ABLIM2: variants seen among roughly 807,000 people sequenced by gnomAD.
ABLIM2 encodes actin-binding LIM protein 2.
A neutral mutation model predicts 97.7 loss-of-function variants in ABLIM2; 53 were observed. The ratio of observed to expected loss-of-function variants is 0.54; its 90% confidence interval spans 0.44 to 0.68. The LOEUF (loss-of-function observed/expected upper bound fraction) is 0.68, where lower values mean the gene tolerates loss of function less well. Ranked by LOEUF, ABLIM2 falls within the 30% of genes least tolerant of loss-of-function variation. The probability of loss-of-function intolerance (pLI) is 0.00; values close to 1 mark genes in which losing one functional copy is unlikely to be tolerated. For synonymous variants in ABLIM2, 361 were observed against 345.8 expected (o/e 1.04, Z -0.49); for missense variants, 835 against 867.2 (o/e 0.96, Z 0.47).
intron 2 of ABLIM2, 125 bp downstream of exon 2, chr4:8,106,369 G>GT: frequency 7.6e-7 from 1 of 1,308,458 alleles, no homozygotes; most frequent in Middle Eastern, 1.9e-4. Flanking sequence ...TGAAGATTCT[G>GT]TATCTGGAGT....
intron 1 of ABLIM2, among the ~76,000 whole-genome samples, chr4:8,135,137 G>A (rs1213517083): frequency 2.0e-5 from 3 of 152,152 alleles, no homozygotes; most frequent in African/African-American, 7.2e-5. Context: ...TGGCACAAAA[G>A]AAAGATAGAA....
intron 12 of ABLIM2, among the ~76,000 whole-genome samples, chr4:8,027,006 A>AGT (rs2151109005): frequency 6.6e-6 from 1 of 151,578 alleles, no homozygotes; most frequent in Admixed American, 6.6e-5. Flanking sequence ...CTTTTACCTG[A>AGT]GTGTGTGTGG....
chr4:8,091,125 T>A (rs1827108966), intron 3 of ABLIM2, among the ~76,000 whole-genome samples: 1 of 150,218 alleles, frequency 6.7e-6, no homozygotes, highest in Non-Finnish European at 1.5e-5. Flanking sequence ...CTTCACATCC[T>A]CACCAGCACT....
chr4:8,135,014 G>A (rs887848808), intron 1 of ABLIM2, among the ~76,000 whole-genome samples: 8 of 152,220 alleles, frequency 5.3e-5, no homozygotes, highest in Admixed American at 2.6e-4. Context: ...CAGCGTCACC[G>A]AGGCAGGCCC....
chr4:7,983,651 C>G (rs570252438), intron 18 of ABLIM2, 97 bp from the exon 19 acceptor site: 15 of 1,448,932 alleles, frequency 1.0e-5, no homozygotes, highest in Non-Finnish European at 1.4e-5. Context: ...ACCCCTGTCT[C>G]CCCCCTGCAG....
At chr4:8,117,474 G>GCACTAAGACTCCACC (rs1843286250) in intron 1 of ABLIM2, among the ~76,000 whole-genome samples, 1 of 147,720 alleles carries the variant, frequency 6.8e-6, no homozygotes, top group African/African-American at 2.5e-5. Context: ...CAGGCTCCAC[G>GCACTAAGACTCCACC]CACTAAGACT....
In ABLIM2 at chr4:8,069,495, G is replaced by T. The variant is rs1810323549; in HGVS notation, c.675+8133C>A. ...GCCAGCGTGGAAGGGTAGGACCAGG[G>T]GCTCTGATGCGCTGCCGGCATGAGG... On this transcript the variant is annotated intron_variant, in intron 6 of 20. Transcript: ENST00000447017. The surrounding 1 kb of genome is among the most constrained non-coding windows in gnomAD (Gnocchi z 4.2). 6.6e-6 allele frequency among the ~76,000 whole-genome samples: 1 copy of T among 152,224 alleles called. No homozygotes were observed. The highest frequency in any genetic ancestry group is 2.4e-5 in the African/African-American group (1 of 41,466).
chr4:8,144,743 G>A (rs543813661), intron 1 of ABLIM2, among the ~76,000 whole-genome samples: 4 of 152,328 alleles, frequency 2.6e-5, no homozygotes, highest in South Asian at 4.1e-4. Context: ...GAGGTGACGC[G>A]GCCCACACTC....
intron 9 of ABLIM2, among the ~76,000 whole-genome samples, chr4:8,039,885 T>TG (rs1579457924): frequency 7.0e-6 from 1 of 143,320 alleles, no homozygotes; most frequent in Non-Finnish European, 1.5e-5. Flanking sequence ...TTTTTTTTTT[T>TG]TTTTTTTTTT....
intron 2 of ABLIM2, among the ~76,000 whole-genome samples, chr4:8,103,674 C>G (rs1835781496): frequency 6.6e-6 from 1 of 152,236 alleles, no homozygotes; most frequent in Admixed American, 6.5e-5. Flanking sequence ...CATCCCATCG[C>G]CTGTCGCTGG....
rs186801588 is a variant in ABLIM2 at position 8,151,996 on chromosome 4, T to C, written c.10+6684A>G. ...CAATGACGCTAGGCAGGAACCCCCA[T>C]AGGAGGCGGGTTTGGGTCTTGTCCT... is the stretch of plus-strand genomic sequence containing the variant. On this transcript the variant is annotated intron_variant, in intron 1 of 20. Transcript: ENST00000447017. Among the ~76,000 whole-genome samples, 73 of 152,200 alleles carry C rather than the reference T, an allele frequency of 4.8e-4. 1 individual carries two copies. The highest frequency in any genetic ancestry group is 1.5e-4 in the Non-Finnish European group (10 of 67,994).
At chr4:8,011,219 T>A (rs1764732927) in intron 14 of ABLIM2, among the ~76,000 whole-genome samples, 1 of 152,212 alleles carries the variant, frequency 6.6e-6, no homozygotes, top group Non-Finnish European at 1.5e-5. Flanking sequence ...TGAAAAGCCA[T>A]CTCAGGTCTC....
chr4:8,147,042 G>A lies in ABLIM2; in HGVS notation c.10+11638C>T, dbSNP rs963408066. On this transcript the variant is annotated intron_variant, in intron 1 of 20. Coordinates refer to ENST00000447017, the MANE Select transcript of ABLIM2 (RefSeq NM_001130083.2). The surrounding 1 kb of genome is among the most constrained non-coding windows in gnomAD (Gnocchi z 5.3). Reference sequence around the variant, plus strand: ...AGAGCATGTAACCCCTGCAATCAACGGCTTTTTATTTCTGAAATTCATGTC... The same window carrying A: ...AGAGCATGTAACCCCTGCAATCAACAGCTTTTTATTTCTGAAATTCATGTC... Among the ~76,000 whole-genome samples the A allele has an allele frequency of 2.6e-4, 40 of 152,088 alleles. No homozygotes were observed. Among genetic ancestry groups the A allele is most frequent in the Non-Finnish European group, 5.7e-4 (39 of 68,030 alleles).
In ABLIM2 at chr4:8,150,897, G is replaced by C. The variant is rs186288009; in HGVS notation, c.10+7783C>G. 6.6e-5 allele frequency among the ~76,000 whole-genome samples: 10 copies of C among 152,266 alleles called. No homozygotes were observed. The highest frequency in any genetic ancestry group is 2.6e-4 in the Admixed American group (4 of 15,288). On this transcript the variant is annotated intron_variant, in intron 1 of 20. Coordinates refer to ENST00000447017, the MANE Select transcript of ABLIM2 (RefSeq NM_001130083.2). The surrounding 1 kb of genome is among the most constrained non-coding windows in gnomAD (Gnocchi z 6.3). ...CTAGGGTGTGGCTGATGATGCCAAAGCGGCTCCCACGGGGCACGACGTCAG... is the reference window on the plus strand; with the variant it reads ...CTAGGGTGTGGCTGATGATGCCAAACCGGCTCCCACGGGGCACGACGTCAG...
chr4:8,106,363 G>C, intron 2 of ABLIM2, 131 bp downstream of exon 2: 1 of 1,272,980 alleles, frequency 7.9e-7, no homozygotes, highest in Non-Finnish European at 1.1e-6. Context: ...CTCCTCTGAA[G>C]ATTCTGTATC....
intron 14 of ABLIM2, among the ~76,000 whole-genome samples, chr4:8,016,669 C>T (rs905497032): frequency 5.9e-5 from 9 of 152,150 alleles, no homozygotes; most frequent in South Asian, 2.1e-4. Context: ...CTCCTGCCTG[C>T]GTGCTGGAGA....
At chr4:7,994,538 G>GGGCAAGGACTTCATGTCC (rs1751711606) in intron 16 of ABLIM2, among the ~76,000 whole-genome samples, 1 of 60,476 alleles carries the variant, frequency 1.7e-5, no homozygotes, top group African/African-American at 4.6e-5. Flanking sequence ...TTGCTATTGT[G>GGGCAAGGACTTCATGTCC]AATAGTGCCG....
chr4:7,982,779 C>T (rs35725747), intron 20 of ABLIM2, among the ~76,000 whole-genome samples: 10,539 of 152,150 alleles, frequency 0.069, 381 homozygotes, highest in Non-Finnish European at 0.079. Context: ...TCTCGGCTCA[C>T]TGCAACCTCT....
chr4:7,987,198 A>T (rs1744917201), intron 17 of ABLIM2, among the ~76,000 whole-genome samples: 1 of 151,286 alleles, frequency 6.6e-6, no homozygotes, highest in African/African-American at 2.4e-5. Flanking sequence ...GGCTGGTCTT[A>T]AACTCCTGGT....
Sources: allele counts gnomAD v4.1 joint callset (sites outside exome capture counted in the v4.1 genomes callset), GRCh38; gene constraint gnomAD v4.1.1; non-coding constraint Gnocchi (gnomAD v3.1); transcripts MANE v1.5; gene names NCBI Gene and HGNC (gene_info 2026-07-23, HGNC 2026-07-21).